The following PAK5 variants were observed in gnomAD, a reference collection of about 807,000 sequenced individuals.
PAK5 encodes the protein p21 (RAC1) activated kinase 5.
Under a neutral mutation model 65.9 loss-of-function variants are expected in PAK5, and 16 were observed. The observed-to-expected ratio is 0.24, with a 90% CI of 0.16 to 0.37. The LOEUF (loss-of-function observed/expected upper bound fraction) is 0.37. Ranked by LOEUF, PAK5 falls within the 10% of genes least tolerant of loss-of-function variation. The pLI, the probability that PAK5 is intolerant of heterozygous loss-of-function variation, is 1.00. For missense variants in PAK5, 785 were observed against 903.9 expected (o/e 0.87, Z 1.69); for synonymous variants, 371 against 354.9 (o/e 1.05, Z -0.51).
rs541819373 is a variant in PAK5 at position 9,559,120 on chromosome 20, G to T, written c.1617-1386C>A. Among the ~76,000 whole-genome samples the T allele has an allele frequency of 3.9e-5, 6 of 152,240 alleles. No homozygotes were observed. The South Asian group carries it at 1.2e-3, about 32-fold the overall frequency. ...GAGAATTATTTGGATGGCACAGGTTGTTCAGTGCCCTCAAAATGACTCATT... is the reference window on the plus strand; with the variant it reads ...GAGAATTATTTGGATGGCACAGGTTTTTCAGTGCCCTCAAAATGACTCATT... On this transcript the variant is annotated intron_variant, in intron 6 of 9. Coordinates refer to ENST00000353224, the MANE Select transcript of PAK5 (RefSeq NM_177990.4).
intron 1 of PAK5, among the ~76,000 whole-genome samples, chr20:9,810,670 T>C (rs1030367885): frequency 2.0e-5 from 3 of 152,204 alleles, no homozygotes; most frequent in Non-Finnish European, 4.4e-5. Context: ...CAGTAGCTGT[T>C]AAAATTGTCT....
At chr20:9,801,395 C>A (rs1391968813) in intron 1 of PAK5, among the ~76,000 whole-genome samples, 1 of 151,288 alleles carries the variant, frequency 6.6e-6, no homozygotes, top group African/African-American at 2.4e-5. Flanking sequence ...TCCCAAGTGA[C>A]TAATAAACTA....
intron 2 of PAK5, among the ~76,000 whole-genome samples, chr20:9,659,951 T>C (rs532710821): frequency 1.2e-4 from 18 of 152,290 alleles, no homozygotes; most frequent in African/African-American, 3.6e-4. Context: ...TAACAGCAAG[T>C]ATGCCAAAGG....
chr20:9,641,859 A>G (rs2047070976), intron 3 of PAK5, among the ~76,000 whole-genome samples: 4 of 152,282 alleles, frequency 2.6e-5, no homozygotes, highest in Middle Eastern at 3.4e-3. Context: ...GCCCGGGGCC[A>G]GCAGGGCTGG....
intron 1 of PAK5, among the ~76,000 whole-genome samples, chr20:9,824,257 A>C (rs562376730): frequency 2.6e-5 from 4 of 152,338 alleles, no homozygotes; most frequent in Non-Finnish European, 5.9e-5. Context: ...AAGAATATTA[A>C]ATCTCCAAAA....
chr20:9,831,255 C>T (rs913885351), intron 1 of PAK5, among the ~76,000 whole-genome samples: 8 of 152,298 alleles, frequency 5.3e-5, no homozygotes, highest in African/African-American at 1.7e-4. Context: ...CCCCATCCCC[C>T]GCCACATTCC....
At chr20:9,759,885 A>T (rs914189647) in intron 1 of PAK5, among the ~76,000 whole-genome samples, 1 of 152,092 alleles carries the variant, frequency 6.6e-6, no homozygotes, top group Admixed American at 6.6e-5. Context: ...ACATATACCA[A>T]CCATCTCATT....
chr20:9,608,597 A>C (rs1253488419), intron 3 of PAK5, among the ~76,000 whole-genome samples: 1 of 152,252 alleles, frequency 6.6e-6, no homozygotes, highest in East Asian at 1.9e-4. Flanking sequence ...ATCAGAGGAA[A>C]AATATTTTAA....
intron 2 of PAK5, among the ~76,000 whole-genome samples, chr20:9,645,012 T>C (rs2047115121): frequency 6.6e-6 from 1 of 152,178 alleles, no homozygotes; most frequent in African/African-American, 2.4e-5. Context: ...GAAAAATGGG[T>C]TGATAATGAT....
At chr20:9,754,035 C>T (rs968928633) in intron 1 of PAK5, among the ~76,000 whole-genome samples, 1 of 152,136 alleles carries the variant, frequency 6.6e-6, no homozygotes, top group African/African-American at 2.4e-5. Context: ...ACCTAAGATG[C>T]CTTTTTGCAA....
chr20:9,641,662 C>CA (rs1473898963), intron 3 of PAK5, among the ~76,000 whole-genome samples: 1 of 151,922 alleles, frequency 6.6e-6, no homozygotes, highest in African/African-American at 2.4e-5. Context: ...CAGGGAGGCT[C>CA]GGCCGCACAG....
intron 1 of PAK5, among the ~76,000 whole-genome samples, chr20:9,832,914 G>T (rs909141624): frequency 3.3e-5 from 5 of 152,164 alleles, no homozygotes; most frequent in Admixed American, 2.0e-4. Flanking sequence ...GAACTGTCAT[G>T]TCATGTTTGG....
In PAK5 at chr20:9,729,831, ACT is replaced by A. The variant is rs1456454485; in HGVS notation, c.-161-18398_-161-18397del. Among the ~76,000 whole-genome samples, 3 of 151,980 alleles carry A rather than the reference ACT, an allele frequency of 2.0e-5. No homozygotes were observed. In the East Asian group the frequency reaches 5.8e-4, roughly 29 times the overall value. The stretch of plus-strand genomic sequence containing the variant: ...TTGTACTCATGCCCAACATGGCAAA[ACT>A]CTGTCTCTACAAGAAATACAAAAAT... On this transcript the variant is annotated intron_variant, in intron 1 of 9. Coordinates refer to ENST00000353224, the MANE Select transcript of PAK5 (RefSeq NM_177990.4).
intron 1 of PAK5, among the ~76,000 whole-genome samples, chr20:9,806,222 C>T (rs2049231414): frequency 6.6e-6 from 1 of 152,118 alleles, no homozygotes. Flanking sequence ...CTCCTGGCCT[C>T]AAGTGACCTG....
At chr20:9,765,279 T>C (rs763510379) in intron 1 of PAK5, among the ~76,000 whole-genome samples, 3 of 152,160 alleles carry the variant, frequency 2.0e-5, no homozygotes, top group Non-Finnish European at 2.9e-5. Context: ...ATCCTAATAG[T>C]ATCTAAAAGC....
chr20:9,631,980 T>C (rs953405742), intron 3 of PAK5, among the ~76,000 whole-genome samples: 6 of 152,208 alleles, frequency 3.9e-5, no homozygotes, highest in African/African-American at 1.4e-4. Context: ...AGCCTCTAGC[T>C]GCCATCTTAG....
intron 1 of PAK5, among the ~76,000 whole-genome samples, chr20:9,727,961 T>G (rs963775985): frequency 6.6e-6 from 1 of 152,144 alleles, no homozygotes; most frequent in Non-Finnish European, 1.5e-5. Context: ...TTTCTTTTAT[T>G]GGAGAATGGT....
intron 4 of PAK5, among the ~76,000 whole-genome samples, chr20:9,568,050 G>A (rs1041123651): frequency 6.6e-6 from 1 of 152,190 alleles, no homozygotes; most frequent in Non-Finnish European, 1.5e-5. Flanking sequence ...CTCAGCTATA[G>A]TGGAGTGTGT....
chr20:9,785,701 T>C (rs917929717), intron 1 of PAK5, among the ~76,000 whole-genome samples: 2 of 152,204 alleles, frequency 1.3e-5, no homozygotes, highest in Non-Finnish European at 2.9e-5. Context: ...TTTGTATTTG[T>C]GAAGACCTTC....
Sources: gnomAD v4.1 joint callset for allele counts (sites outside exome capture counted in the v4.1 genomes callset) on GRCh38, gnomAD v4.1.1 for gene constraint, MANE v1.5 for transcripts, NCBI Gene and HGNC (gene_info 2026-07-23, HGNC 2026-07-21) for gene names.